Variants in CFAP47 observed in about 807,000 individuals in gnomAD.
CFAP47 encodes the protein cilia- and flagella-associated protein 47.
CFAP47 carries 29 observed loss-of-function variants against 148.1 expected under a neutral mutation model. The observed-to-expected ratio is 0.20, with a 90% CI of 0.15 to 0.27. The LOEUF is 0.27. Ranked by LOEUF, CFAP47 falls within the 10% of genes least tolerant of loss-of-function variation. CFAP47 has a pLI of 1.00. For missense variants in CFAP47, 1,872 were observed against 1,697.5 expected (o/e 1.10, Z -1.81); for synonymous variants, 664 against 577.3 (o/e 1.15, Z -2.15).
intron 39 of CFAP47, among the ~76,000 whole-genome samples, chrX:36,172,826 G>T (rs1368332905): frequency 9.0e-6 from 1 of 111,700 alleles, no homozygotes; most frequent in African/African-American, 3.3e-5. Flanking sequence ...AATGAGTTAG[G>T]GAGGATTCCC....
chrX:36,204,585 A>G (rs1466454119), intron 44 of CFAP47, among the ~76,000 whole-genome samples: 2 of 111,862 alleles, frequency 1.8e-5, no homozygotes, highest in Non-Finnish European at 3.8e-5. Context: ...TAATAATAAA[A>G]ACAAAAGAAT....
chrX:35,971,398 G>A (rs1432046325), intron 11 of CFAP47, among the ~76,000 whole-genome samples, 188 bp from the exon 12 acceptor site: 1 of 111,423 alleles, frequency 9.0e-6, no homozygotes, highest in African/African-American at 3.3e-5. Context: ...TAATTTCCTC[G>A]ATGAGATGTT....
chrX:36,073,556 A>T (rs1937795069), intron 29 of CFAP47, among the ~76,000 whole-genome samples, 192 bp downstream of exon 29: 1 of 111,591 alleles, frequency 9.0e-6, no homozygotes, highest in African/African-American at 3.2e-5. Context: ...ATTTTTTAGT[A>T]TAATGTCATC....
chrX:36,113,885 C>T (rs1483232831), intron 33 of CFAP47, among the ~76,000 whole-genome samples: 2 of 107,810 alleles, frequency 1.9e-5, no homozygotes, highest in African/African-American at 3.4e-5. Context: ...TCTCGGCTCA[C>T]TGCAAGCTCT....
chrX:36,319,759 T>C (rs1174726808), intron 57 of CFAP47, among the ~76,000 whole-genome samples: 2 of 111,462 alleles, frequency 1.8e-5, no homozygotes, highest in African/African-American at 3.3e-5. Flanking sequence ...GCGAATTTAT[T>C]ACAGGGTATA....
intron 49 of CFAP47, among the ~76,000 whole-genome samples, chrX:36,259,444 A>G (rs999458293): frequency 9.0e-6 from 1 of 111,386 alleles, no homozygotes; most frequent in Non-Finnish European, 1.9e-5. Context: ...GTCTCCTAGT[A>G]ACTATTGAAA....
intron 55 of CFAP47, among the ~76,000 whole-genome samples, chrX:36,309,953 A>G (rs1447861792): frequency 9.0e-6 from 1 of 110,882 alleles, no homozygotes; most frequent in Non-Finnish European, 1.9e-5. Context: ...CTCTCTACTA[A>G]GGAGGCAGGA....
At chrX:36,227,500 G>C (rs1940284189) in intron 45 of CFAP47, among the ~76,000 whole-genome samples, 1 of 108,838 alleles carries the variant, frequency 9.2e-6, no homozygotes, top group Non-Finnish European at 1.9e-5. Context: ...GTTTGATAAA[G>C]GATTTAGGGT....
chrX:36,133,798 TAA>T (rs568711243), intron 33 of CFAP47, among the ~76,000 whole-genome samples: 1 of 89,591 alleles, frequency 1.1e-5, no homozygotes. Flanking sequence ...CATTGCAGTT[TAA>T]AAAAAAAAAA....
At chrX:36,099,943 G>C in intron 32 of CFAP47, 64 bp downstream of exon 32, 1 of 580,009 alleles carries the variant, frequency 1.7e-6, no homozygotes, top group Non-Finnish European at 2.8e-6. Flanking sequence ...GTTAATTAAA[G>C]TATAGACAAT....
At chrX:36,087,806 G>T (rs181636527) in intron 30 of CFAP47, among the ~76,000 whole-genome samples, 90 of 112,263 alleles carry the variant, frequency 8.0e-4, no homozygotes, top group African/African-American at 2.7e-3. Context: ...AGTGGTAAAA[G>T]AAAGGGTGAA....
chrX:36,379,276 A>G, intron 62 of CFAP47, 74 bp from the exon 63 acceptor site: 2 of 921,482 alleles, frequency 2.2e-6, no homozygotes, highest in Non-Finnish European at 3.1e-6. Context: ...TTCAAATTCT[A>G]CTCATCAAGT....
At chrX:36,062,244 A>G (rs1042097034) in intron 26 of CFAP47, among the ~76,000 whole-genome samples, 23 of 111,717 alleles carry the variant, frequency 2.1e-4, no homozygotes, top group African/African-American at 6.8e-4. Context: ...GATATTTTTT[A>G]TGATGTTGAC....
chrX:36,032,319 G>A (rs1190537089), intron 23 of CFAP47, among the ~76,000 whole-genome samples: 9 of 109,676 alleles, frequency 8.2e-5, no homozygotes, highest in South Asian at 3.8e-4. Flanking sequence ...AAAAAAAAAC[G>A]TGACTCTAAT....
chrX:36,151,709 A>C (rs1034188269), intron 37 of CFAP47, among the ~76,000 whole-genome samples: 1 of 111,680 alleles, frequency 9.0e-6, no homozygotes, highest in Non-Finnish European at 1.9e-5. Context: ...GTCACATTCA[A>C]CAAAGCCCTT....
At chrX:35,976,163 G>C (rs1431627219) in intron 15 of CFAP47, among the ~76,000 whole-genome samples, 1 of 110,682 alleles carries the variant, frequency 9.0e-6, no homozygotes, top group Admixed American at 9.7e-5. Context: ...GATAAAGAGA[G>C]AGACATTTTA....
Position 36,031,365 on chromosome X carries a change from A to G in CFAP47, c.3651+18A>G, listed in dbSNP as rs891814486. 3.5e-5 allele frequency: 10 copies of G among 287,459 alleles called. No homozygotes were observed. The East Asian group carries it at 4.9e-4, about 14-fold the overall frequency. 23.7% of individuals were successfully genotyped at this position (287,459 alleles called of 1,213,427 possible). A position where few individuals can be genotyped will look rare whatever the true frequency, so the allele number is the denominator to read the frequency against. On this transcript the variant is annotated intron_variant, in intron 23 of 63. Coordinates refer to ENST00000378653, the MANE Select transcript of CFAP47 (RefSeq NM_001304548.2). The stretch of plus-strand genomic sequence containing the variant: ...AAACTCAGGTATGTATAAAGAAGTG[A>G]TACAGTTTACAATTCTTTTCATGAT...
chrX:36,357,754 C>T (rs961775739), intron 60 of CFAP47, among the ~76,000 whole-genome samples: 1 of 111,210 alleles, frequency 9.0e-6, no homozygotes, highest in Admixed American at 9.6e-5. Flanking sequence ...CTAAGTACCT[C>T]CTGGTCCATG....
Position 35,967,790 on chromosome X carries a change from G to A in CFAP47, c.1772G>A (p.Arg591Gln), listed in dbSNP as rs750366401. 5 of 1,205,263 alleles carry A rather than the reference G, an allele frequency of 4.1e-6. No homozygotes were observed. In the Admixed American group the frequency reaches 6.6e-5, roughly 16 times the overall value. ...KDMLLAFPND[R>Q]AATIRSKDHH... is the part of the protein sequence containing the mutation. ...ATGCTATTAGCCTTTCCCAATGACC[G>A]AGCTGCAACTATCAGGTCTAAAGAC... Residue 591 changes from arginine (R) to glutamine (Q), a missense_variant, in exon 10 of 64, where the codon CGA becomes CAA. Arg to Gln is a conservative substitution (Grantham distance 43, BLOSUM62 1). Transcript: ENST00000378653.
Sources: gnomAD v4.1 joint callset for allele counts (sites outside exome capture counted in the v4.1 genomes callset) on GRCh38, gnomAD v4.1.1 for gene constraint, MANE v1.5 for transcripts, NCBI Gene and HGNC (gene_info 2026-07-23, HGNC 2026-07-21) for gene names.